Variants in XXYLT1 observed in about 807,000 individuals in gnomAD.
XXYLT1 encodes the protein UDP-xylose:alpha-xyloside alpha-1,3-xylosyltransferase.
A neutral mutation model predicts 28.9 loss-of-function variants in XXYLT1; 20 were observed. The ratio of observed to expected loss-of-function variants is 0.69; its 90% CI spans 0.49 to 1.00. XXYLT1 has a LOEUF of 1.00. Ranked by LOEUF, XXYLT1 falls within the 50% of genes least tolerant of loss-of-function variation. The pLI, the probability that XXYLT1 is intolerant of heterozygous loss-of-function variation, is 0.00. For missense variants in XXYLT1, 542 were observed against 560.1 expected, an observed-to-expected ratio of 0.97 and a Z score of 0.33; for synonymous variants, 257 against 253.8, an observed-to-expected ratio of 1.01 and a Z score of -0.12.
intron 3 of XXYLT1, among the ~76,000 whole-genome samples, chr3:195,103,739 GA>G (rs949921571): frequency 2.0e-5 from 3 of 151,260 alleles, no homozygotes; most frequent in African/African-American, 2.4e-5. Context: ...AGAAACTAGG[GA>G]AAAAAAAATT....
chr3:195,252,723 CACACAGAGAGAG>C (rs1725311909), intron 1 of XXYLT1, among the ~76,000 whole-genome samples: 1 of 129,314 alleles, frequency 7.7e-6, no homozygotes, highest in South Asian at 2.3e-4. Context: ...CACACACACA[CACACAGAGAGAG>C]AGAGAGAGAG....
At chr3:195,263,366 C>T (rs1725748983) in intron 1 of XXYLT1, among the ~76,000 whole-genome samples, 2 of 152,086 alleles carry the variant, frequency 1.3e-5, no homozygotes, top group Non-Finnish European at 2.9e-5. Context: ...AAATGTGAGC[C>T]CCGGTGACGT....
intron 3 of XXYLT1, among the ~76,000 whole-genome samples, chr3:195,120,303 C>CCCCCCCCCCCCT (rs1560106289): frequency 4.9e-5 from 7 of 142,162 alleles, no homozygotes; most frequent in Non-Finnish European, 9.2e-5. Flanking sequence ...GCCCCAGCCC[C>CCCCCCCCCCCCT]CATGGCCACA....
chr3:195,231,497 G>A lies in XXYLT1; in HGVS notation c.505-4641C>T, dbSNP rs555110517. Among the ~76,000 whole-genome samples the A allele has an allele frequency of 1.3e-4, 20 of 152,194 alleles. 1 individual carries two copies. The South Asian group carries it at 3.7e-3, about 28-fold the overall frequency. Reference sequence around the variant, plus strand: ...AAGGCTTTCAGTTTTTCCCCATTCAGTATGATTATTTGCTGTGGGCCTGTT... The same window carrying A: ...AAGGCTTTCAGTTTTTCCCCATTCAATATGATTATTTGCTGTGGGCCTGTT... On this transcript the variant is annotated intron_variant, in intron 1 of 3. Transcript: ENST00000310380.
chr3:195,265,689 C>T (rs1191477966), intron 1 of XXYLT1, among the ~76,000 whole-genome samples: 2 of 152,166 alleles, frequency 1.3e-5, no homozygotes, highest in African/African-American at 2.4e-5. Flanking sequence ...AGACTGGACC[C>T]GAAACAATAC....
chr3:195,164,147 G>A (rs1239617010), intron 2 of XXYLT1, among the ~76,000 whole-genome samples: 1 of 152,254 alleles, frequency 6.6e-6, no homozygotes, highest in Non-Finnish European at 1.5e-5. Context: ...TACTCCCACA[G>A]AAGGCAAGAA....
intron 3 of XXYLT1, among the ~76,000 whole-genome samples, chr3:195,143,899 A>T (rs867405968): frequency 0.017 from 1,873 of 110,370 alleles, 77 homozygotes; most frequent in East Asian, 0.06. Context: ...TTTATTTTTT[A>T]TTTTTATTTT....
At chr3:195,260,258 G>A (rs904229028) in intron 1 of XXYLT1, among the ~76,000 whole-genome samples, 44 of 151,140 alleles carry the variant, frequency 2.9e-4, no homozygotes, top group African/African-American at 1.1e-3. Flanking sequence ...GTCGGCCCCG[G>A]GCGGGGGAGG....
At chr3:195,175,534 A>T in intron 2 of XXYLT1, 1 of 1,520,908 alleles carries the variant, frequency 6.6e-7, no homozygotes, top group East Asian at 2.5e-5. Flanking sequence ...TGGGCTGTTC[A>T]GATGGAGATT....
At chr3:195,082,895 G>C (rs1212530286) in intron 3 of XXYLT1, among the ~76,000 whole-genome samples, 1 of 151,836 alleles carries the variant, frequency 6.6e-6, no homozygotes. Flanking sequence ...CCCCTGCCAA[G>C]AGCCAACAGT....
intron 1 of XXYLT1, among the ~76,000 whole-genome samples, chr3:195,263,750 A>G (rs1478240193): frequency 1.3e-5 from 2 of 152,288 alleles, no homozygotes; most frequent in South Asian, 2.1e-4. Flanking sequence ...CAGGAAATGG[A>G]GCAACCCAGT....
chr3:195,166,378 C>CA (rs757091261), intron 2 of XXYLT1, among the ~76,000 whole-genome samples: 14 of 152,012 alleles, frequency 9.2e-5, no homozygotes, highest in Non-Finnish European at 1.6e-4. Context: ...CAGCTGAGTG[C>CA]AAAAAACAAA....
intron 3 of XXYLT1, among the ~76,000 whole-genome samples, chr3:195,111,491 G>A (rs1560102084): frequency 6.6e-6 from 1 of 152,126 alleles, no homozygotes; most frequent in African/African-American, 2.4e-5. Flanking sequence ...TGGGCTGAGT[G>A]GGCTGGGCCT....
rs1269609698 is a variant in XXYLT1, at chr3:195,076,870, A to G, written c.786-6759T>C. 6.6e-6 allele frequency among the ~76,000 whole-genome samples: 1 copy of G among 152,108 alleles called. No individual in the cohort carries two copies. Among genetic ancestry groups the G allele is most frequent in the Non-Finnish European group, 1.5e-5 (1 of 68,020 alleles). On this transcript the variant is annotated intron_variant, in intron 3 of 3. Transcript: ENST00000310380. The surrounding 1 kb of genome is among the most constrained non-coding windows in gnomAD (Gnocchi z 5.3). ...AGCCATAAGGATCCGGGCCTGCCCT[A>G]CCCCAGCAGAACCTCATCTCAACTC...
At chr3:195,218,109 A>G (rs1251408558) in intron 2 of XXYLT1, among the ~76,000 whole-genome samples, 3 of 148,874 alleles carry the variant, frequency 2.0e-5, no homozygotes, top group African/African-American at 5.2e-5. Flanking sequence ...CTGGCTAGCC[A>G]TATGTAGAAA....
At chr3:195,249,331 C>CTT (rs1725159368) in intron 1 of XXYLT1, among the ~76,000 whole-genome samples, 1 of 152,222 alleles carries the variant, frequency 6.6e-6, no homozygotes, top group Admixed American at 6.5e-5. Flanking sequence ...CTCTAAGCAG[C>CTT]ACCATGCTGT....
At position 195,150,525 on chromosome 3, in the gene XXYLT1, G is replaced by T. The variant is rs73079469; in HGVS notation, c.785+5924C>A. Reference sequence around the variant, plus strand: ...ATGTGACTTAAAAAGGTGAACGAGCGGACATGATTAAAATACTTAACACAA... The same window carrying T: ...ATGTGACTTAAAAAGGTGAACGAGCTGACATGATTAAAATACTTAACACAA... On this transcript the variant is annotated intron_variant, in intron 3 of 3. Coordinates refer to ENST00000310380, the MANE Select transcript of XXYLT1 (RefSeq NM_152531.5). The surrounding 1 kb of genome is among the most constrained non-coding windows in gnomAD (Gnocchi z 4.7). Among the ~76,000 whole-genome samples the T allele has an allele frequency of 0.043, 6,540 of 152,252 alleles. 486 individuals carry two copies. Among genetic ancestry groups the T allele is most frequent in the African/African-American group, 0.15 (6,170 of 41,516 alleles).
intron 3 of XXYLT1, among the ~76,000 whole-genome samples, chr3:195,082,150 A>G (rs1186613239): frequency 2.0e-5 from 3 of 152,202 alleles, no homozygotes; most frequent in African/African-American, 7.2e-5. Flanking sequence ...AGTGTGGGGC[A>G]TCTGGGTGGT....
Position 195,069,955 on chromosome 3 carries a change from C to A in XXYLT1, c.942G>T (p.Gln314His). ...PLYSRLLEPA[Q>H]VQQLADKYHF... is the part of the protein sequence containing the mutation. The stretch of plus-strand genomic sequence containing the variant: ...GGTACTTGTCGGCCAGCTGCTGCAC[C>A]TGCGCCGGCTCCAGCAGGCGGCTGT... Residue 314 changes from glutamine (Q) to histidine (H), a missense_variant, in exon 4 of 4, where the codon CAG becomes CAT. Coordinates refer to ENST00000310380, the MANE Select transcript of XXYLT1 (RefSeq NM_152531.5). 6.2e-7 allele frequency: 1 copy of A among 1,612,232 alleles called. No homozygotes were observed.
Sources: gnomAD v4.1 joint callset for allele counts (sites outside exome capture counted in the v4.1 genomes callset) on GRCh38, gnomAD v4.1.1 for gene constraint, Gnocchi (gnomAD v3.1) non-coding constraint, MANE v1.5 for transcripts, NCBI Gene and HGNC (gene_info 2026-07-23, HGNC 2026-07-21) for gene names.